RTN1: variants seen among roughly 807,000 people sequenced by gnomAD.
The protein encoded by RTN1 is reticulon 1.
RTN1 carries 25 observed loss-of-function variants against 65.5 expected under a neutral mutation model. The observed-to-expected ratio is 0.38, with a 90% CI of 0.28 to 0.53. The LOEUF is 0.53. Among genes scored for constraint, RTN1 ranks in the 20% least tolerant of loss-of-function variants. The probability of loss-of-function intolerance (pLI) is 0.79; values close to 1 mark genes in which losing one functional copy is unlikely to be tolerated. For synonymous variants in RTN1, 471 were observed against 447.6 expected, an observed-to-expected ratio of 1.05 and a Z score of -0.66; for missense variants, 983 against 1,025.4, an observed-to-expected ratio of 0.96 and a Z score of 0.57.
chr14:59,845,472 A>T lies in RTN1; in HGVS notation c.241+24918T>A, dbSNP rs373809252. Among the ~76,000 whole-genome samples, 79 of 152,268 alleles carry T rather than the reference A, an allele frequency of 5.2e-4. 1 individual carries two copies. The highest frequency in any genetic ancestry group is 1.4e-3 in the African/African-American group (60 of 41,546). Reference sequence around the variant, plus strand: ...CCAATCCCTCTTGCTCTCCACTGCCACAGTTTCGGCTCCACTGTGTCTCAA... The same window carrying T: ...CCAATCCCTCTTGCTCTCCACTGCCTCAGTTTCGGCTCCACTGTGTCTCAA... On this transcript the variant is annotated intron_variant, in intron 1 of 8. Transcript: ENST00000267484.
intron 2 of RTN1, among the ~76,000 whole-genome samples, chr14:59,737,277 G>A (rs1885020767): frequency 1.3e-5 from 2 of 152,164 alleles, no homozygotes; most frequent in African/African-American, 4.8e-5. Flanking sequence ...CATTTTCTCA[G>A]TCCAATAGCT....
chr14:59,665,834 G>C (rs1014314930), intron 3 of RTN1, among the ~76,000 whole-genome samples: 1 of 152,082 alleles, frequency 6.6e-6, no homozygotes, highest in East Asian at 1.9e-4. Context: ...AAGATCAAAA[G>C]AGACAAAGAA....
intron 1 of RTN1, among the ~76,000 whole-genome samples, chr14:59,751,077 C>G (rs985269134): frequency 6.6e-5 from 10 of 151,118 alleles, no homozygotes; most frequent in African/African-American, 2.4e-4. Flanking sequence ...TGTGAAAAGA[C>G]AGGTTAGAAG....
intron 8 of RTN1, among the ~76,000 whole-genome samples, chr14:59,600,731 A>C (rs1881552849): frequency 6.6e-6 from 1 of 152,246 alleles, no homozygotes. Flanking sequence ...AGCTACCAGG[A>C]AATTCAGAGC....
intron 1 of RTN1, among the ~76,000 whole-genome samples, chr14:59,798,089 A>G (rs1886471763): frequency 6.6e-6 from 1 of 152,120 alleles, no homozygotes; most frequent in South Asian, 2.1e-4. Flanking sequence ...TGGATATAAC[A>G]CCCCTTATTC....
At chr14:59,750,351 TATTATATC>T (rs1199220432) in intron 1 of RTN1, among the ~76,000 whole-genome samples, 4,271 of 20,522 alleles carry the variant, frequency 0.21, 641 homozygotes, top group African/African-American at 0.35. Flanking sequence ...CTATAATATA[TATTATATC>T]TATATATTAT....
intron 3 of RTN1, among the ~76,000 whole-genome samples, chr14:59,642,750 T>C (rs1443887926): frequency 6.6e-6 from 1 of 152,242 alleles, no homozygotes; most frequent in Non-Finnish European, 1.5e-5. Context: ...TTGAAGTCTT[T>C]ATCAGCCATA....
rs972927077 is a variant in RTN1, at chr14:59,606,778, A to T, written c.1973+507T>A. Among the ~76,000 whole-genome samples, 4 of 152,228 alleles carry T rather than the reference A, an allele frequency of 2.6e-5. No individual in the cohort carries two copies. In the South Asian group the frequency reaches 8.3e-4, roughly 32 times the overall value. On this transcript the variant is annotated intron_variant, in intron 4 of 8. Coordinates refer to ENST00000267484, the MANE Select transcript of RTN1 (RefSeq NM_021136.3). ...AGGTTTCCCCAGTATAAAAATGTAG[A>T]GGAGGATACATGAGAAGACTGTTCA...
intron 3 of RTN1, among the ~76,000 whole-genome samples, chr14:59,634,724 T>A (rs183873560): frequency 1.3e-5 from 2 of 152,178 alleles, no homozygotes; most frequent in African/African-American, 4.8e-5. Flanking sequence ...AACAGACCTA[T>A]GAGCAGGAAA....
intron 3 of RTN1, among the ~76,000 whole-genome samples, chr14:59,663,850 T>A (rs1883305347): frequency 6.6e-6 from 1 of 152,160 alleles, no homozygotes; most frequent in Non-Finnish European, 1.5e-5. Context: ...GAAATAGGAA[T>A]GCTATTATAC....
intron 3 of RTN1, among the ~76,000 whole-genome samples, chr14:59,677,712 T>C (rs936646907): frequency 6.6e-6 from 1 of 152,154 alleles, no homozygotes; most frequent in Non-Finnish European, 1.5e-5. Flanking sequence ...TGGAAAACCA[T>C]TGTACGTTGG....
chr14:59,716,979 A>AAACG (rs1884548103), intron 3 of RTN1, among the ~76,000 whole-genome samples: 2 of 108,104 alleles, frequency 1.9e-5, no homozygotes. Flanking sequence ...ACAAACAAAC[A>AAACG]AACAAACAAA....
At chr14:59,675,581 TTAA>T (rs1883610657) in intron 3 of RTN1, among the ~76,000 whole-genome samples, 3 of 149,550 alleles carry the variant, frequency 2.0e-5, no homozygotes, top group Non-Finnish European at 3.0e-5. Context: ...ATTTTATAAT[TTAA>T]TAATACAATT....
chr14:59,607,266 C>T lies in RTN1; in HGVS notation c.1973+19G>A, dbSNP rs756669729. On this transcript the variant is annotated intron_variant, in intron 4 of 8. Transcript: ENST00000267484. ...AGCCCCTGGTCAGTGGGTGAGGGCT[C>T]CTCAGCTGAGGCACTCACTTGAAAG... 3.7e-6 allele frequency: 6 copies of T among 1,610,794 alleles called. No individual in the cohort carries two copies. The highest frequency in any genetic ancestry group is 1.7e-6 in the Non-Finnish European group (2 of 1,178,036).
intron 3 of RTN1, among the ~76,000 whole-genome samples, chr14:59,667,637 C>T (rs574479437): frequency 9.9e-5 from 15 of 152,144 alleles, no homozygotes; most frequent in African/African-American, 2.4e-4. Context: ...AATAAATAAA[C>T]GGTATTCAAT....
chr14:59,863,586 C>T (rs1408983673), intron 1 of RTN1, among the ~76,000 whole-genome samples: 1 of 152,172 alleles, frequency 6.6e-6, no homozygotes, highest in Non-Finnish European at 1.5e-5. Context: ...ACCCAGGACT[C>T]CTTGACCTCA....
In RTN1 at chr14:59,750,386, T is replaced by A. The variant is rs1317822167; in HGVS notation, c.242-3905A>T. On this transcript the variant is annotated intron_variant, in intron 1 of 8. Coordinates refer to ENST00000267484, the MANE Select transcript of RTN1 (RefSeq NM_021136.3). ...ATATATTATATCTATATATTATATA[T>A]TATATCTATAATATATATATTATAT... Among the ~76,000 whole-genome samples the A allele has an allele frequency of 7.6e-5, 4 of 52,382 alleles. 1 individual carries two copies. Among genetic ancestry groups the A allele is most frequent in the African/African-American group, 2.2e-4 (3 of 13,460 alleles). 34.4% of individuals were successfully genotyped at this position (52,382 alleles called of 152,430 possible).
At chr14:59,652,631 G>A (rs1169714449) in intron 3 of RTN1, among the ~76,000 whole-genome samples, 1 of 151,884 alleles carries the variant, frequency 6.6e-6, no homozygotes, top group African/African-American at 2.4e-5. Flanking sequence ...TAAATGATGA[G>A]AACACATGGA....
Position 59,727,239 on chromosome 14 carries a change from T to G in RTN1, c.1445A>C (p.Lys482Thr). Residue 482 changes from lysine (K) to threonine (T), a missense_variant, in exon 3 of 9, where the codon AAG becomes ACG. Around this residue, in one of 2 missense-constraint regions of RTN1, gnomAD observed 818 missense variants for 801.8 expected, o/e 1.02. Transcript: ENST00000267484. This position sits in a 1 kb window ranked among gnomAD's most constrained non-coding sequence, Gnocchi z 4.2. ...CATCGGGGGTGAGTCCTGCTCCCGC[T>G]TGGGGCTCTCCTCCGAGGCCGAGGA... is the stretch of plus-strand genomic sequence containing the variant. ...DASSASEESPKREQDSPPMKP... is the reference protein window; with the variant it reads ...DASSASEESPTREQDSPPMKP... 6.5e-7 allele frequency: 1 copy of G among 1,550,278 alleles called. No individual in the cohort carries two copies. The highest frequency in any genetic ancestry group is 8.7e-7 in the Non-Finnish European group (1 of 1,148,474).
Sources: allele counts gnomAD v4.1 joint callset (sites outside exome capture counted in the v4.1 genomes callset), GRCh38; gene constraint gnomAD v4.1.1; regional missense constraint gnomAD v4.1.1; non-coding constraint Gnocchi (gnomAD v3.1); transcripts MANE v1.5; gene names NCBI Gene and HGNC (gene_info 2026-07-23, HGNC 2026-07-21).